ALCAM: variants seen among roughly 807,000 people sequenced by gnomAD.
ALCAM encodes the protein CD166 antigen.
ALCAM carries 30 observed loss-of-function variants against 70.9 expected under a neutral mutation model. The ratio of observed to expected loss-of-function variants is 0.42; its 90% CI spans 0.32 to 0.57. The LOEUF (loss-of-function observed/expected upper bound fraction) is 0.57. ALCAM is among the 20% of genes least tolerant of loss of function. The pLI, the probability that ALCAM is intolerant of heterozygous loss-of-function variation, is 0.11. For missense variants in ALCAM, 591 were observed against 695.1 expected, an observed-to-expected ratio of 0.85 and a Z score of 1.68; for synonymous variants, 249 against 242.5, an observed-to-expected ratio of 1.03 and a Z score of -0.25.
At chr3:105,508,058 A>G (rs1939130333) in intron 1 of ALCAM, among the ~76,000 whole-genome samples, 2 of 152,160 alleles carry the variant, frequency 1.3e-5, no homozygotes, top group Non-Finnish European at 2.9e-5. Context: ...TGAAAATTAG[A>G]ACAGCTGCCA....
At chr3:105,414,512 G>A (rs182300996) in intron 1 of ALCAM, among the ~76,000 whole-genome samples, 76 of 152,210 alleles carry the variant, frequency 5.0e-4, no homozygotes, top group Non-Finnish European at 9.3e-4. Context: ...GAATTGGAAC[G>A]CCTCCTTATG....
chr3:105,497,626 TG>T (rs1431872223), intron 1 of ALCAM, among the ~76,000 whole-genome samples: 1 of 152,192 alleles, frequency 6.6e-6, no homozygotes, highest in African/African-American at 2.4e-5. Context: ...CCTGCTGTCA[TG>T]GTAAGTGCAT....
chr3:105,508,589 C>T (rs912215554), intron 1 of ALCAM, among the ~76,000 whole-genome samples: 3 of 152,114 alleles, frequency 2.0e-5, no homozygotes, highest in African/African-American at 7.2e-5. Context: ...TAATGTATTT[C>T]TAGGTCTATT....
At chr3:105,522,650 A>G (rs1939574155) in intron 2 of ALCAM, among the ~76,000 whole-genome samples, 1 of 152,146 alleles carries the variant, frequency 6.6e-6, no homozygotes, top group South Asian at 2.1e-4. Flanking sequence ...ATTGAAGGCT[A>G]TCAAGAGTGG....
intron 1 of ALCAM, among the ~76,000 whole-genome samples, chr3:105,414,176 A>T (rs527786772): frequency 1.3e-5 from 2 of 151,772 alleles, no homozygotes; most frequent in East Asian, 3.9e-4. Flanking sequence ...AGGCTGGCGG[A>T]TATCCTGAGC....
At chr3:105,430,615 T>C (rs1198555367) in intron 1 of ALCAM, among the ~76,000 whole-genome samples, 1 of 152,104 alleles carries the variant, frequency 6.6e-6, no homozygotes, top group East Asian at 1.9e-4. Flanking sequence ...CCTGGCTAAG[T>C]TGGTGTTGCC....
At chr3:105,396,470 C>T (rs563775359) in intron 1 of ALCAM, among the ~76,000 whole-genome samples, 2 of 152,060 alleles carry the variant, frequency 1.3e-5, no homozygotes, top group East Asian at 1.9e-4. Context: ...GAGAAAGAGA[C>T]AAAACTGAGA....
At chr3:105,553,805 G>A (rs1372074951) in intron 14 of ALCAM, among the ~76,000 whole-genome samples, 1 of 151,892 alleles carries the variant, frequency 6.6e-6, no homozygotes, top group African/African-American at 2.4e-5. Flanking sequence ...CTTGCCTAAG[G>A]TTACATAGTT....
chr3:105,467,683 G>C (rs971372963), intron 1 of ALCAM, among the ~76,000 whole-genome samples: 2 of 150,946 alleles, frequency 1.3e-5, no homozygotes, highest in Admixed American at 6.6e-5. Flanking sequence ...ATTAGGGTGT[G>C]GTTTCTACAT....
chr3:105,480,534 C>A (rs1279129694), intron 1 of ALCAM, among the ~76,000 whole-genome samples: 1 of 151,986 alleles, frequency 6.6e-6, no homozygotes, highest in Non-Finnish European at 1.5e-5. Context: ...CAGAATTCTG[C>A]ACCTTTGACT....
At chr3:105,558,847 G>C (rs1042951906) in intron 14 of ALCAM, among the ~76,000 whole-genome samples, 1 of 152,010 alleles carries the variant, frequency 6.6e-6, no homozygotes, top group African/African-American at 2.4e-5. Context: ...CCTCACACCA[G>C]CTCTACGAGG....
At position 105,552,518 on chromosome 3, in the gene ALCAM, G is replaced by A. The variant is rs956208012; in HGVS notation, c.1597G>A (p.Val533Ile). The A allele has an allele frequency of 1.3e-5, 21 of 1,611,666 alleles. No homozygotes were observed. Among genetic ancestry groups the A allele is most frequent in the Middle Eastern group, 3.3e-4 (2 of 6,076 alleles). Residue 533 changes from valine (V) to isoleucine (I), a missense_variant, in exon 14 of 16, where the codon GTT becomes ATT. By Grantham distance (29) the Val-to-Ile change is conservative. Around this residue, in one of 2 missense-constraint regions of ALCAM, gnomAD observed 164 missense variants for 244.7 expected, o/e 0.67. Coordinates refer to ENST00000306107, the MANE Select transcript of ALCAM (RefSeq NM_001627.4). ...CCAGGCAAAACTAATTGTGGGAATC[G>A]TTGTTGGTCTCCTCCTTGCTGCCCT... is the stretch of plus-strand genomic sequence containing the variant. Reference protein sequence around the residue: ...NDQAKLIVGIVVGLLLAALVA... With the variant: ...NDQAKLIVGIIVGLLLAALVA...
intron 1 of ALCAM, among the ~76,000 whole-genome samples, chr3:105,489,174 G>C (rs546865090): frequency 6.6e-6 from 1 of 152,292 alleles, no homozygotes; most frequent in South Asian, 2.1e-4. Flanking sequence ...TTCTGTTGGA[G>C]AGTGTTCTGC....
At chr3:105,382,781 G>A (rs1935559215) in intron 1 of ALCAM, among the ~76,000 whole-genome samples, 1 of 151,852 alleles carries the variant, frequency 6.6e-6, no homozygotes, top group Admixed American at 6.6e-5. Context: ...ACTTTTTGAT[G>A]GGGTTGTTTG....
chr3:105,512,145 G>T (rs1208193547), intron 1 of ALCAM, among the ~76,000 whole-genome samples: 1 of 151,958 alleles, frequency 6.6e-6, no homozygotes, highest in Non-Finnish European at 1.5e-5. Context: ...TTGGAGTTTG[G>T]TAGTGTTATC....
chr3:105,405,277 C>CAAAAAA (rs35101188), intron 1 of ALCAM, among the ~76,000 whole-genome samples: 9 of 65,270 alleles, frequency 1.4e-4, no homozygotes, highest in African/African-American at 3.2e-4. Flanking sequence ...AACTTCGTCT[C>CAAAAAA]AAAAAAAAAA....
chr3:105,562,329 C>G (rs551010948), intron 14 of ALCAM, among the ~76,000 whole-genome samples: 36 of 152,254 alleles, frequency 2.4e-4, no homozygotes, highest in African/African-American at 8.7e-4. Flanking sequence ...TTTTACTATT[C>G]CTAGATTACC....
rs774701212 is a variant in ALCAM, at chr3:105,520,055, T to C, written c.74-12T>C. On this transcript the variant is annotated splice_polypyrimidine_tract_variant and intron_variant, in intron 1 of 15. Transcript: ENST00000306107. ...TCTTTCTCTCTTCTTCCTTTTTTTT[T>C]TTCCCCCAAAGGCCTTGGATGGTAT... The C allele has an allele frequency of 6.5e-7, 1 of 1,539,916 alleles. No homozygotes were observed. Among genetic ancestry groups the C allele is most frequent in the Non-Finnish European group, 8.8e-7 (1 of 1,132,086 alleles).
At chr3:105,475,279 T>A (rs1349564040) in intron 1 of ALCAM, among the ~76,000 whole-genome samples, 1 of 152,008 alleles carries the variant, frequency 6.6e-6, no homozygotes, top group Non-Finnish European at 1.5e-5. Context: ...TTTAAAATGG[T>A]ACAGATAACT....
Sources: gnomAD v4.1 joint callset for allele counts (sites outside exome capture counted in the v4.1 genomes callset) on GRCh38, gnomAD v4.1.1 for gene constraint, gnomAD v4.1.1 regional missense constraint, MANE v1.5 for transcripts, NCBI Gene and HGNC (gene_info 2026-07-23, HGNC 2026-07-21) for gene names.